The following GNAO1 variants were observed in gnomAD, a reference collection of about 807,000 sequenced individuals.
GNAO1 encodes the protein G protein subunit alpha o1, also known as guanine nucleotide-binding protein G(o) subunit alpha.
For synonymous variants in GNAO1, 164 were observed against 180.7 expected, an observed-to-expected ratio of 0.91 and a Z score of 0.74; for missense variants, 166 against 478.7, an observed-to-expected ratio of 0.35 and a Z score of 6.10.
At chr16:56,338,807 G>A (rs2037768948) in intron 6 of GNAO1, among the ~76,000 whole-genome samples, 1 of 150,572 alleles carries the variant, frequency 6.6e-6, no homozygotes. Context: ...CAGTGAGCAT[G>A]AGCCTGGTGC....
At chr16:56,295,487 T>C (rs2037277784) in intron 3 of GNAO1, among the ~76,000 whole-genome samples, 1 of 152,174 alleles carries the variant, frequency 6.6e-6, no homozygotes, top group Non-Finnish European at 1.5e-5. Context: ...CTCCTGTTGC[T>C]AAGGCACGCT....
chr16:56,300,008 C>CGTGTGTGTGTGTGTGTGT lies in GNAO1; in HGVS notation c.303+23948_303+23965dup, dbSNP rs71381116. 6.2e-3 allele frequency among the ~76,000 whole-genome samples: 801 copies of CGTGTGTGTGTGTGTGTGT among 129,654 alleles called. 7 individuals are homozygous for CGTGTGTGTGTGTGTGTGT. The highest frequency in any genetic ancestry group is 0.028 in the Middle Eastern group (7 of 250). The allele number at this position is 129,654 out of a possible 152,430, so 85.1% of individuals were successfully genotyped here. On this transcript the variant is annotated intron_variant, in intron 3 of 8. Transcript: ENST00000262493. ...CAGAAATGGAAGGCAGATTGGGGTTCGTGTGTGTGTGTGTGTGTGTGTGTG... is the reference window on the plus strand; with the variant it reads ...CAGAAATGGAAGGCAGATTGGGGTTCGTGTGTGTGTGTGTGTGTGTGTGTGTGTGTGTGTGTGTGTGTG...
chr16:56,208,785 A>G (rs112190156), intron 2 of GNAO1, among the ~76,000 whole-genome samples: 16 of 152,184 alleles, frequency 1.1e-4, no homozygotes, highest in African/African-American at 3.9e-4. Context: ...CTCTTTTGTG[A>G]GGTACCTGTT....
chr16:56,207,344 TA>T (rs2036339701), intron 2 of GNAO1, among the ~76,000 whole-genome samples: 1 of 151,980 alleles, frequency 6.6e-6, no homozygotes, highest in African/African-American at 2.4e-5. Flanking sequence ...CTGTGAGGAG[TA>T]AGTGAGATAA....
chr16:56,272,167 G>A (rs2037023706), intron 2 of GNAO1, among the ~76,000 whole-genome samples: 1 of 152,128 alleles, frequency 6.6e-6, no homozygotes, highest in African/African-American at 2.4e-5. Context: ...AAATTAGCCA[G>A]GCATGGTGGC....
chr16:56,278,155 G>A (rs572146847), intron 3 of GNAO1, among the ~76,000 whole-genome samples: 1 of 152,326 alleles, frequency 6.6e-6, no homozygotes, highest in Admixed American at 6.5e-5. Flanking sequence ...CCTTCAAGTA[G>A]GAAGGAGGGG....
At chr16:56,290,841 C>G (rs2037224323) in intron 3 of GNAO1, among the ~76,000 whole-genome samples, 1 of 147,868 alleles carries the variant, frequency 6.8e-6, no homozygotes, top group Non-Finnish European at 1.5e-5. Flanking sequence ...CTAATCTGCT[C>G]TCTGTCTCTA....
At chr16:56,239,356 T>C (rs920401705) in intron 2 of GNAO1, among the ~76,000 whole-genome samples, 5 of 152,256 alleles carry the variant, frequency 3.3e-5, no homozygotes, top group African/African-American at 1.2e-4. Flanking sequence ...AAAAGACTTA[T>C]GTTTTAATAA....
chr16:56,293,598 T>C (rs756760719), intron 3 of GNAO1, among the ~76,000 whole-genome samples: 4 of 152,212 alleles, frequency 2.6e-5, no homozygotes, highest in Non-Finnish European at 4.4e-5. Flanking sequence ...GAATATGAGA[T>C]TAAATGGTAC....
In GNAO1 at chr16:56,297,678, A is replaced by G. The variant is rs561703479; in HGVS notation, c.303+21606A>G. 3.3e-5 allele frequency among the ~76,000 whole-genome samples: 5 copies of G among 152,218 alleles called. No homozygotes were observed. The East Asian group carries it at 7.7e-4, about 24-fold the overall frequency. On this transcript the variant is annotated intron_variant, in intron 3 of 8. Coordinates refer to ENST00000262493, the MANE Select transcript of GNAO1 (RefSeq NM_020988.3). ...ATAGCATCCTGGTGGAGTTGTAATT[A>G]GGAAATTCTGGGTTAGTCAGCTAGG...
At chr16:56,336,373 G>A (rs1317202729) in intron 5 of GNAO1, 1 of 194,042 alleles carries the variant, frequency 5.2e-6, no homozygotes, top group Admixed American at 5.4e-5. Flanking sequence ...AGCAAACCCA[G>A]GAAGGAATAG....
chr16:56,273,630 A>T (rs951403521), intron 2 of GNAO1, among the ~76,000 whole-genome samples: 2 of 152,168 alleles, frequency 1.3e-5, no homozygotes, highest in Admixed American at 6.5e-5. Context: ...TGTTGTTCTC[A>T]TGTAAAGACT....
intron 3 of GNAO1, chr16:56,308,044 G>A (rs1260842388): frequency 6.6e-6 from 1 of 152,180 alleles, no homozygotes; most frequent in African/African-American, 2.4e-5. Flanking sequence ...TAAGAAGAAG[G>A]GACAGATTCA....
intron 2 of GNAO1, among the ~76,000 whole-genome samples, chr16:56,261,653 G>A (rs547166530): frequency 6.6e-6 from 1 of 152,170 alleles, no homozygotes; most frequent in Non-Finnish European, 1.5e-5. Flanking sequence ...CAGTCCTTTG[G>A]GATCAGCTGA....
intron 6 of GNAO1, among the ~76,000 whole-genome samples, chr16:56,338,475 C>T (rs1244926402): frequency 1.3e-5 from 2 of 152,240 alleles, no homozygotes; most frequent in East Asian, 1.9e-4. Flanking sequence ...TTCCCACTCC[C>T]CACTGCTAGA....
chr16:56,227,662 T>C (rs1317564849), intron 2 of GNAO1, among the ~76,000 whole-genome samples: 1 of 120,908 alleles, frequency 8.3e-6, no homozygotes, highest in East Asian at 2.4e-4. Flanking sequence ...TGCTCTAGCC[T>C]GAGTGACAGA....
chr16:56,324,133 A>G (rs1345719349), intron 3 of GNAO1, among the ~76,000 whole-genome samples: 3 of 152,228 alleles, frequency 2.0e-5, no homozygotes. Flanking sequence ...CATTTATCCC[A>G]GATGTCCCCA....
chr16:56,206,841 C>T (rs1389404579), intron 2 of GNAO1, among the ~76,000 whole-genome samples: 2 of 152,200 alleles, frequency 1.3e-5, no homozygotes, highest in Non-Finnish European at 2.9e-5. Flanking sequence ...AGCCATACGC[C>T]CCTTCAATGC....
intron 6 of GNAO1, among the ~76,000 whole-genome samples, chr16:56,348,661 A>T (rs2037895251): frequency 6.6e-6 from 1 of 152,132 alleles, no homozygotes; most frequent in Admixed American, 6.5e-5. Flanking sequence ...GGGAGCTTGT[A>T]AGGATGAGCT....
Sources: gnomAD v4.1 joint callset for allele counts (sites outside exome capture counted in the v4.1 genomes callset) on GRCh38, gnomAD v4.1.1 for gene constraint, MANE v1.5 for transcripts, NCBI Gene and HGNC (gene_info 2026-07-23, HGNC 2026-07-21) for gene names.